Variants in SAMM50 observed in about 807,000 individuals in gnomAD.
The protein encoded by SAMM50 is SAMM50 sorting and assembly machinery component.
SAMM50 carries 47 observed loss-of-function variants against 66.9 expected under a neutral mutation model. The observed-to-expected ratio is 0.70, with a 90% CI of 0.56 to 0.90. The LOEUF is 0.90. SAMM50 is among the 40% of genes least tolerant of loss of function. The pLI, the probability that SAMM50 is intolerant of heterozygous loss-of-function variation, is 0.00. For missense variants in SAMM50, 535 were observed against 595.3 expected, an observed-to-expected ratio of 0.90 and a Z score of 1.05; for synonymous variants, 191 against 214.1, an observed-to-expected ratio of 0.89 and a Z score of 0.94.
intron 1 of SAMM50, among the ~76,000 whole-genome samples, chr22:43,958,476 C>CCTTTT (rs556794281): frequency 8.9e-6 from 1 of 112,586 alleles, no homozygotes; most frequent in African/African-American, 3.5e-5. Flanking sequence ...TTATGGAGCT[C>CCTTTT]TTTTTTTTTT....
intron 14 of SAMM50, among the ~76,000 whole-genome samples, chr22:43,992,486 C>T (rs533080489): frequency 6.6e-6 from 1 of 152,380 alleles, no homozygotes; most frequent in Non-Finnish European, 1.5e-5. Context: ...CACGCCTCTC[C>T]TGTTCTCCAC....
intron 10 of SAMM50, among the ~76,000 whole-genome samples, chr22:43,980,140 C>T (rs1603419681): frequency 8.6e-5 from 1 of 11,654 alleles, no homozygotes; most frequent in African/African-American, 4.5e-4. Context: ...ACCCACACAT[C>T]CATCCATCCA....
chr22:43,964,254 A>G (rs16991238), intron 2 of SAMM50, among the ~76,000 whole-genome samples, 198 bp from the exon 3 acceptor site: 4,075 of 152,300 alleles, frequency 0.027, 190 homozygotes, highest in African/African-American at 0.092. Context: ...CAGAAAGTAC[A>G]TAACGAGCAA....
intron 14 of SAMM50, among the ~76,000 whole-genome samples, chr22:43,992,726 G>A (rs1355598076): frequency 3.3e-5 from 5 of 152,250 alleles, no homozygotes; most frequent in Admixed American, 3.3e-4. Flanking sequence ...CAGAGCCCTT[G>A]GCGCACCGCC....
intron 10 of SAMM50, among the ~76,000 whole-genome samples, chr22:43,980,526 C>T (rs1295650090): frequency 6.6e-6 from 1 of 151,682 alleles, no homozygotes. Context: ...AGCATGAATT[C>T]CAAGAGCAGT....
intron 1 of SAMM50, among the ~76,000 whole-genome samples, chr22:43,962,785 T>A (rs1225314650): frequency 6.6e-6 from 1 of 152,084 alleles, no homozygotes; most frequent in Admixed American, 6.6e-5. Context: ...AATGATTTTT[T>A]AATTTCCATC....
intron 7 of SAMM50, chr22:43,975,108 C>G (rs1041692034): frequency 6.6e-6 from 1 of 152,322 alleles, no homozygotes; most frequent in Non-Finnish European, 1.5e-5. Flanking sequence ...CTACACCTCC[C>G]GTAGGAATTT....
intron 4 of SAMM50, among the ~76,000 whole-genome samples, chr22:43,971,885 A>G (rs1198626625): frequency 6.6e-6 from 1 of 151,880 alleles, no homozygotes. Flanking sequence ...TAATTTTTAA[A>G]ATTTTTGTAG....
At chr22:43,963,786 TGAA>T (rs1203671154) in intron 2 of SAMM50, among the ~76,000 whole-genome samples, 1 of 152,228 alleles carries the variant, frequency 6.6e-6, no homozygotes, top group Admixed American at 6.5e-5. Flanking sequence ...TTCCAGTTCT[TGAA>T]GAGTTTACTC....
intron 12 of SAMM50, 149 bp from the exon 13 acceptor site, chr22:43,988,962 C>A: frequency 3.2e-6 from 2 of 626,640 alleles, no homozygotes; most frequent in South Asian, 3.0e-5. Flanking sequence ...CCATCAGTAT[C>A]AGGAATGAGA....
Position 43,990,124 on chromosome 22 carries a change from A to G in SAMM50, c.1223-141A>G, listed in dbSNP as rs937106403. 9 of 892,380 alleles carry G rather than the reference A, an allele frequency of 1.0e-5. No individual in the cohort carries two copies. In the East Asian group the frequency reaches 2.1e-4, roughly 21 times the overall value. 55.3% of individuals were successfully genotyped at this position (892,380 alleles called of 1,614,324 possible). On this transcript the variant is annotated intron_variant, in intron 13 of 14. Transcript: ENST00000350028. ...TTGACCTGGGTCCTAATCTCACTTC[A>G]TGCATCCTCCCTAATCTCTAGGCCT...
Position 43,996,479 on chromosome 22 carries a change from TG to T in SAMM50, c.*97del. On this transcript the variant is annotated 3_prime_UTR_variant, in exon 15 of 15. Transcript: ENST00000350028. ...GAGGAAACGCGGTTCAGCGATTCTT[TG>T]ACTGCGGACCCTGTGGGAAACCCCG... The T allele has an allele frequency of 8.7e-7, 1 of 1,149,308 alleles. No homozygotes were observed. Among genetic ancestry groups the T allele is most frequent in the Non-Finnish European group, 1.3e-6 (1 of 756,854 alleles). 71.2% of individuals were successfully genotyped at this position (1,149,308 alleles called of 1,614,324 possible). A position where few individuals can be genotyped will look rare whatever the true frequency, so the allele number is the denominator to read the frequency against.
At chr22:43,992,079 A>G (rs1446542152) in intron 14 of SAMM50, among the ~76,000 whole-genome samples, 1 of 152,050 alleles carries the variant, frequency 6.6e-6, no homozygotes. Context: ...TTTTGTGTCT[A>G]CCTTTATGTT....
At position 43,976,190 on chromosome 22, in the gene SAMM50, G is replaced by A; in HGVS notation, c.777+7G>A. 6.3e-7 allele frequency: 1 copy of A among 1,596,098 alleles called. No individual in the cohort carries two copies. Among genetic ancestry groups the A allele is most frequent in the Non-Finnish European group, 8.6e-7 (1 of 1,165,434 alleles). Reference sequence around the variant, plus strand: ...ACTGAAATCATCTCTTTCGGTAACGGTTTCTCTTAGTTGGAGTAAATAATT... The same window carrying A: ...ACTGAAATCATCTCTTTCGGTAACGATTTCTCTTAGTTGGAGTAAATAATT... On this transcript the variant is annotated splice_region_variant and intron_variant, in intron 8 of 14. Transcript: ENST00000350028.
chr22:43,991,849 G>A (rs1336388857), intron 14 of SAMM50, among the ~76,000 whole-genome samples: 3 of 152,090 alleles, frequency 2.0e-5, no homozygotes, highest in East Asian at 3.9e-4. Context: ...CTTCTTATGC[G>A]GCCCCTAATT....
chr22:43,994,907 C>T (rs1367397509), intron 14 of SAMM50, among the ~76,000 whole-genome samples: 1 of 152,194 alleles, frequency 6.6e-6, no homozygotes, highest in Non-Finnish European at 1.5e-5. Flanking sequence ...TATTAGAATG[C>T]TTGCTTGTTT....
rs533822519 is a variant in SAMM50, at chr22:43,996,447, G to A, written c.*64G>A. ...CAGCAAGGCGCCCATGCCACACACCGTCTCTCGAGGAAACGCGGTTCAGCG... is the reference window on the plus strand; with the variant it reads ...CAGCAAGGCGCCCATGCCACACACCATCTCTCGAGGAAACGCGGTTCAGCG... On this transcript the variant is annotated 3_prime_UTR_variant, in exon 15 of 15. Coordinates refer to ENST00000350028, the MANE Select transcript of SAMM50 (RefSeq NM_015380.5). 4.3e-5 allele frequency: 63 copies of A among 1,467,730 alleles called. No homozygotes were observed. The highest frequency in any genetic ancestry group is 1.3e-4 in the Admixed American group (8 of 59,666). 90.9% of individuals were successfully genotyped at this position (1,467,730 alleles called of 1,614,324 possible). A position where few individuals can be genotyped will look rare whatever the true frequency, so the allele number is the denominator to read the frequency against.
chr22:43,984,094 A>C, intron 12 of SAMM50, 94 bp downstream of exon 12: 1 of 1,064,732 alleles, frequency 9.4e-7, no homozygotes, highest in African/African-American at 1.6e-5. Context: ...GATAATAGAC[A>C]TTCCTCTTTC....
chr22:43,973,333 A>G lies in SAMM50; in HGVS notation c.648+10A>G, dbSNP rs2050214071. 5 of 1,523,952 alleles carry G rather than the reference A, an allele frequency of 3.3e-6. No homozygotes were observed. The highest frequency in any genetic ancestry group is 4.6e-6 in the Non-Finnish European group (5 of 1,098,086). 94.4% of individuals were successfully genotyped at this position (1,523,952 alleles called of 1,614,324 possible). On this transcript the variant is annotated intron_variant, in intron 7 of 14. Coordinates refer to ENST00000350028, the MANE Select transcript of SAMM50 (RefSeq NM_015380.5). ...GTCAGCTGAGTACAGTGTGAGTAGC[A>G]TTTCAGTCCTTCCCTCTGGGCTTGG...
Sources: gnomAD v4.1 joint callset for allele counts (sites outside exome capture counted in the v4.1 genomes callset) on GRCh38, gnomAD v4.1.1 for gene constraint, MANE v1.5 for transcripts, NCBI Gene and HGNC (gene_info 2026-07-23, HGNC 2026-07-21) for gene names.